MMP16: variants seen among roughly 807,000 people sequenced by gnomAD.
MMP16 encodes the protein matrix metallopeptidase 16.
A neutral mutation model predicts 67.8 loss-of-function variants in MMP16; 12 were observed. The ratio of observed to expected loss-of-function variants is 0.18; its 90% CI spans 0.11 to 0.29. MMP16 has a LOEUF of 0.29. Ranked by LOEUF, MMP16 falls within the 10% of genes least tolerant of loss-of-function variation. The pLI, the probability that MMP16 is intolerant of heterozygous loss-of-function variation, is 1.00. For synonymous variants in MMP16, 249 were observed against 255.9 expected (o/e 0.97, Z 0.26); for missense variants, 475 against 765.7 (o/e 0.62, Z 4.48).
intron 4 of MMP16, among the ~76,000 whole-genome samples, chr8:88,126,602 T>C (rs1276123230): frequency 6.6e-6 from 1 of 151,914 alleles, no homozygotes. Context: ...CTATGTGAGA[T>C]GAACAATGCG....
At chr8:88,158,607 C>G (rs1195930775) in intron 4 of MMP16, among the ~76,000 whole-genome samples, 1 of 152,154 alleles carries the variant, frequency 6.6e-6, no homozygotes, top group Admixed American at 6.5e-5. Context: ...TTCTCCCATT[C>G]TGTAGGTTGC....
At chr8:88,282,096 C>T (rs1457235296) in intron 1 of MMP16, among the ~76,000 whole-genome samples, 1 of 88,120 alleles carries the variant, frequency 1.1e-5, no homozygotes, top group Admixed American at 1.2e-4. Flanking sequence ...GGGGGGGGGG[C>T]GACGGGGTCT....
intron 1 of MMP16, among the ~76,000 whole-genome samples, chr8:88,259,433 C>T (rs913731899): frequency 3.9e-5 from 6 of 152,092 alleles, no homozygotes; most frequent in Admixed American, 1.3e-4. Context: ...TATGTAACTA[C>T]ACAACCCTAC....
intron 1 of MMP16, among the ~76,000 whole-genome samples, chr8:88,219,968 T>C (rs938531633): frequency 3.9e-5 from 6 of 152,164 alleles, no homozygotes; most frequent in Non-Finnish European, 7.4e-5. Flanking sequence ...TAAATGAATG[T>C]AATATATTTA....
At chr8:88,043,296 T>G (rs2118190495) in intron 9 of MMP16, among the ~76,000 whole-genome samples, 1 of 152,206 alleles carries the variant, frequency 6.6e-6, no homozygotes, top group Middle Eastern at 3.4e-3. Flanking sequence ...CCTGTCTTTG[T>G]TTTTTAGATG....
chr8:88,312,319 T>G (rs1288011386), intron 1 of MMP16, among the ~76,000 whole-genome samples: 1 of 152,138 alleles, frequency 6.6e-6, no homozygotes, highest in Non-Finnish European at 1.5e-5. Context: ...TTCTATAGAA[T>G]AGTGTCATAT....
At chr8:88,070,417 G>A (rs1586134124) in intron 7 of MMP16, among the ~76,000 whole-genome samples, 1 of 152,116 alleles carries the variant, frequency 6.6e-6, no homozygotes, top group Non-Finnish European at 1.5e-5. Flanking sequence ...GTGGTTGGGG[G>A]CAGCCGGTAC....
Position 88,254,471 on chromosome 8 carries a change from GA to G in MMP16, c.133-57166del, listed in dbSNP as rs60959637. Among the ~76,000 whole-genome samples the G allele has an allele frequency of 5.5e-3, 749 of 136,270 alleles. 4 individuals are homozygous for G. Among genetic ancestry groups the G allele is most frequent in the African/African-American group, 0.016 (606 of 37,414 alleles). The allele number at this position is 136,270 out of a possible 152,430, so 89.4% of individuals were successfully genotyped here. ...TGAACTTAAAATAAAAGTTAAAAAG[GA>G]AAAAAAAAAAAGAAGCAATCCTCCT... On this transcript the variant is annotated intron_variant, in intron 1 of 9. Coordinates refer to ENST00000286614, the MANE Select transcript of MMP16 (RefSeq NM_005941.5).
chr8:88,074,650 C>T lies in MMP16; in HGVS notation c.1177G>A (p.Asp393Asn). 4.3e-6 allele frequency: 7 copies of T among 1,613,576 alleles called. No individual in the cohort carries two copies. The highest frequency in any genetic ancestry group is 1.1e-5 in the South Asian group (1 of 91,064). ...CCGTCGCTATTTTCATAAACTGCAT[C>T]GATACTAGGAGGCAAGCCCCGCCAG... Reference protein sequence around the residue: ...YFWRGLPPSIDAVYENSDGNF... With the variant: ...YFWRGLPPSINAVYENSDGNF... The change falls in exon 7 of 10, where the codon GAT becomes AAT. Residue 393 changes from aspartate to asparagine, a missense_variant. Asp to Asn is a conservative substitution (Grantham distance 23). Transcript: ENST00000286614.
At chr8:88,220,035 C>A (rs550936289) in intron 1 of MMP16, among the ~76,000 whole-genome samples, 1 of 152,248 alleles carries the variant, frequency 6.6e-6, no homozygotes, top group Non-Finnish European at 1.5e-5. Context: ...ATACCCCTTA[C>A]TCACTCCTCT....
chr8:88,309,406 G>A (rs1268123016), intron 1 of MMP16, among the ~76,000 whole-genome samples: 2 of 151,772 alleles, frequency 1.3e-5, no homozygotes, highest in Non-Finnish European at 2.9e-5. Flanking sequence ...AGGAAGGCAG[G>A]GGAAGGAAGA....
At chr8:88,115,900 G>A (rs1234149837) in intron 6 of MMP16, among the ~76,000 whole-genome samples, 1 of 152,040 alleles carries the variant, frequency 6.6e-6, no homozygotes, top group African/African-American at 2.4e-5. Context: ...TTTTGCAAAT[G>A]TAAAATTAGT....
chr8:88,046,563 A>G, intron 9 of MMP16, 106 bp downstream of exon 9: 1 of 559,878 alleles, frequency 1.8e-6, no homozygotes, highest in Non-Finnish European at 3.1e-6. Context: ...AGTATTACAT[A>G]GCTCTAGTAT....
chr8:88,054,694 G>C (rs1808310127), intron 8 of MMP16, among the ~76,000 whole-genome samples: 1 of 152,186 alleles, frequency 6.6e-6, no homozygotes. Context: ...GTTAGTAAAA[G>C]GATAAATTTA....
At chr8:88,236,660 G>A (rs1323017489) in intron 1 of MMP16, among the ~76,000 whole-genome samples, 1 of 152,014 alleles carries the variant, frequency 6.6e-6, no homozygotes, top group Non-Finnish European at 1.5e-5. Flanking sequence ...GAGGTGGGAG[G>A]GTCGTTAGAG....
chr8:88,250,971 C>T (rs1463039321), intron 1 of MMP16, among the ~76,000 whole-genome samples: 1 of 145,946 alleles, frequency 6.9e-6, no homozygotes, highest in African/African-American at 2.5e-5. Context: ...TGCTCCCCTT[C>T]CTGTGTCCAT....
chr8:88,187,640 T>C (rs1279750761), intron 2 of MMP16, among the ~76,000 whole-genome samples: 6 of 152,190 alleles, frequency 3.9e-5, no homozygotes, highest in Admixed American at 3.3e-4. Context: ...ATTTACACAT[T>C]AAGTAATTTG....
intron 1 of MMP16, among the ~76,000 whole-genome samples, chr8:88,286,903 T>C (rs992807070): frequency 3.9e-5 from 6 of 152,046 alleles, no homozygotes; most frequent in Middle Eastern, 3.2e-3. Flanking sequence ...CTAAAGATTT[T>C]ACTTTATAAA....
At chr8:88,181,364 G>GT (rs929507926) in intron 3 of MMP16, among the ~76,000 whole-genome samples, 37 of 151,866 alleles carry the variant, frequency 2.4e-4, no homozygotes, top group African/African-American at 8.7e-4. Context: ...ATATATAAAA[G>GT]TCAATTGCTT....
Sources: allele counts gnomAD v4.1 joint callset (sites outside exome capture counted in the v4.1 genomes callset), GRCh38; gene constraint gnomAD v4.1.1; transcripts MANE v1.5; gene names NCBI Gene and HGNC (gene_info 2026-07-23, HGNC 2026-07-21).